The following RSRC1 variants were observed in gnomAD, a reference collection of about 807,000 sequenced individuals.
The protein encoded by RSRC1 is arginine and serine rich coiled-coil 1.
RSRC1 carries 39 observed loss-of-function variants against 49.1 expected under a neutral mutation model. That is an observed-to-expected ratio of 0.79 (90% CI 0.61 to 1.04). The LOEUF (loss-of-function observed/expected upper bound fraction) is 1.04. RSRC1 is among the 50% of genes least tolerant of loss of function. The probability of loss-of-function intolerance (pLI) is 0.00; values close to 1 mark genes in which losing one functional copy is unlikely to be tolerated. For missense variants in RSRC1, 388 were observed against 402.4 expected, an observed-to-expected ratio of 0.96 and a Z score of 0.31; for synonymous variants, 143 against 130.8, an observed-to-expected ratio of 1.09 and a Z score of -0.63.
chr3:158,418,846 C>T (rs569017471), intron 6 of RSRC1, among the ~76,000 whole-genome samples: 2 of 152,036 alleles, frequency 1.3e-5, no homozygotes, highest in African/African-American at 4.8e-5. Flanking sequence ...GGAAAAGTAG[C>T]TTCCCAGAGA....
intron 6 of RSRC1, among the ~76,000 whole-genome samples, chr3:158,384,741 C>G (rs1451938220): frequency 6.6e-6 from 1 of 152,032 alleles, no homozygotes; most frequent in Non-Finnish European, 1.5e-5. Context: ...GGAAATAAAC[C>G]CTAGCCCCTC....
intron 7 of RSRC1, among the ~76,000 whole-genome samples, chr3:158,487,961 A>AAAAAAAAC (rs1738894685): frequency 6.8e-6 from 1 of 147,610 alleles, no homozygotes; most frequent in African/African-American, 2.5e-5. Flanking sequence ...AAAAAAAAAA[A>AAAAAAAAC]AAAAAAAAAA....
intron 6 of RSRC1, among the ~76,000 whole-genome samples, chr3:158,457,958 T>C (rs1392878224): frequency 6.6e-6 from 1 of 151,998 alleles, no homozygotes. Flanking sequence ...GAAGAGAGTT[T>C]GAACCTTAAG....
At chr3:158,149,844 C>T (rs1461119296) in intron 3 of RSRC1, among the ~76,000 whole-genome samples, 1 of 152,122 alleles carries the variant, frequency 6.6e-6, no homozygotes, top group Admixed American at 6.6e-5. Flanking sequence ...TTCTGGCAAC[C>T]TCAAGGGAAC....
At chr3:158,210,703 G>A (rs1721625812) in intron 4 of RSRC1, among the ~76,000 whole-genome samples, 1 of 151,942 alleles carries the variant, frequency 6.6e-6, no homozygotes, top group Non-Finnish European at 1.5e-5. Context: ...TTTGGTATTA[G>A]TTCTGATTTA....
rs140953408 is a variant in RSRC1 at position 158,379,814 on chromosome 3, G to GCACACA, written c.583+24924_583+24929dup. ...CACATACATACAAACACACGCGCAT[G>GCACACA]CACACACACACACACACACACACCC... On this transcript the variant is annotated intron_variant, in intron 6 of 9. Transcript: ENST00000611884. Among the ~76,000 whole-genome samples, 1,239 of 146,990 alleles carry GCACACA rather than the reference G, an allele frequency of 8.4e-3. 38 individuals carry two copies. The highest frequency in any genetic ancestry group is 0.065 in the Admixed American group (964 of 14,782).
chr3:158,409,526 G>A (rs1734320588), intron 6 of RSRC1, among the ~76,000 whole-genome samples: 1 of 151,838 alleles, frequency 6.6e-6, no homozygotes, highest in South Asian at 2.1e-4. Flanking sequence ...TGTATTTTAT[G>A]TCTGATTAGT....
At chr3:158,135,098 G>C (rs1256579868) in intron 3 of RSRC1, among the ~76,000 whole-genome samples, 1 of 151,758 alleles carries the variant, frequency 6.6e-6, no homozygotes, top group Non-Finnish European at 1.5e-5. Flanking sequence ...GTTATTTTTG[G>C]CTTATCATCT....
At chr3:158,316,506 G>A (rs1728466842) in intron 5 of RSRC1, among the ~76,000 whole-genome samples, 2 of 137,604 alleles carry the variant, frequency 1.5e-5, no homozygotes, top group Admixed American at 8.0e-5. Context: ...GTGCAGTGGC[G>A]CGATCTCGGC....
chr3:158,541,794 A>G (rs1446290772), intron 8 of RSRC1, among the ~76,000 whole-genome samples: 1 of 152,106 alleles, frequency 6.6e-6, no homozygotes, highest in Non-Finnish European at 1.5e-5. Context: ...AATCCATTTC[A>G]TATTATCCCT....
intron 5 of RSRC1, among the ~76,000 whole-genome samples, chr3:158,325,989 C>A (rs1300171174): frequency 1.3e-5 from 2 of 152,148 alleles, no homozygotes; most frequent in Non-Finnish European, 2.9e-5. Flanking sequence ...CTCTTTGAAG[C>A]AATAGTGAAT....
chr3:158,199,205 C>T lies in RSRC1; in HGVS notation c.321-3867C>T, dbSNP rs866694513. Among the ~76,000 whole-genome samples, 11 of 151,970 alleles carry T rather than the reference C, an allele frequency of 7.2e-5. No homozygotes were observed. The Middle Eastern group carries it at 0.02, about 282-fold the overall frequency. ...GATGTGACTTGCTACTCCTTGCCTT[C>T]CACCATGATTGTGAGGCCTCCCCAG... On this transcript the variant is annotated intron_variant, in intron 3 of 9. Coordinates refer to ENST00000611884, the MANE Select transcript of RSRC1 (RefSeq NM_001271838.2).
chr3:158,177,284 A>G (rs575951491), intron 3 of RSRC1, among the ~76,000 whole-genome samples: 1 of 152,196 alleles, frequency 6.6e-6, no homozygotes, highest in African/African-American at 2.4e-5. Flanking sequence ...CAGCAATCCC[A>G]TTTCTGCATA....
intron 4 of RSRC1, chr3:158,276,051 A>AG (rs1725790446): frequency 4.7e-6 from 4 of 855,922 alleles, no homozygotes; most frequent in Non-Finnish European, 7.9e-6. Flanking sequence ...TCTATGTGGG[A>AG]TCTTCACCAA....
intron 6 of RSRC1, among the ~76,000 whole-genome samples, chr3:158,359,644 G>A (rs1325163689): frequency 6.6e-6 from 1 of 152,138 alleles, no homozygotes; most frequent in Non-Finnish European, 1.5e-5. Context: ...GGGTCCCAAG[G>A]AGGGAGCCAC....
At chr3:158,530,635 G>C (rs932429137) in intron 7 of RSRC1, among the ~76,000 whole-genome samples, 4 of 151,560 alleles carry the variant, frequency 2.6e-5, no homozygotes, top group African/African-American at 9.7e-5. Context: ...ATGTGGGGGG[G>C]AAATCTCTCA....
At chr3:158,258,321 A>G (rs936890295) in intron 4 of RSRC1, among the ~76,000 whole-genome samples, 4 of 144,492 alleles carry the variant, frequency 2.8e-5, no homozygotes, top group Non-Finnish European at 4.5e-5. Flanking sequence ...TGCTGGATAT[A>G]CTAATCTAGG....
At chr3:158,247,577 G>T (rs1723975661) in intron 4 of RSRC1, among the ~76,000 whole-genome samples, 1 of 151,340 alleles carries the variant, frequency 6.6e-6, no homozygotes, top group Non-Finnish European at 1.5e-5. Flanking sequence ...GGGTTTTGTG[G>T]TTTTTCTTCA....
At chr3:158,419,169 G>A (rs1328231091) in intron 6 of RSRC1, among the ~76,000 whole-genome samples, 1 of 151,970 alleles carries the variant, frequency 6.6e-6, no homozygotes, top group East Asian at 1.9e-4. Context: ...AATTGTTAGA[G>A]TGTAAGTATA....
Sources: allele counts gnomAD v4.1 joint callset (sites outside exome capture counted in the v4.1 genomes callset), GRCh38; gene constraint gnomAD v4.1.1; transcripts MANE v1.5; gene names NCBI Gene and HGNC (gene_info 2026-07-23, HGNC 2026-07-21).